OPCML: variants seen among roughly 807,000 people sequenced by gnomAD.
OPCML encodes the protein opioid-binding protein/cell adhesion molecule.
A neutral mutation model predicts 37.8 loss-of-function variants in OPCML; 13 were observed. The observed-to-expected ratio is 0.34, with a 90% CI of 0.22 to 0.55. The LOEUF is 0.55. Among genes scored for constraint, OPCML ranks in the 20% least tolerant of loss-of-function variants. OPCML has a pLI of 0.91. For missense variants in OPCML, 341 were observed against 435.6 expected (o/e 0.78, Z 1.93); for synonymous variants, 176 against 168.8 (o/e 1.04, Z -0.33).
chr11:132,445,211 G>A (rs1377440789), intron 4 of OPCML, among the ~76,000 whole-genome samples: 2 of 152,222 alleles, frequency 1.3e-5, no homozygotes, highest in Non-Finnish European at 2.9e-5. Context: ...GGGGGAAGGA[G>A]TACATTAATA....
At chr11:132,446,872 G>A (rs1217501144) in intron 4 of OPCML, among the ~76,000 whole-genome samples, 25 of 152,112 alleles carry the variant, frequency 1.6e-4, no homozygotes. Flanking sequence ...CTTGTCTGCA[G>A]CAACCTACTC....
At chr11:133,058,131 G>C (rs1234626815) in intron 1 of OPCML, among the ~76,000 whole-genome samples, 2 of 152,136 alleles carry the variant, frequency 1.3e-5, no homozygotes, top group African/African-American at 4.8e-5. Context: ...GGTAAAGCCA[G>C]GCAAATAATT....
intron 3 of OPCML, among the ~76,000 whole-genome samples, chr11:132,655,603 G>A (rs1941666503): frequency 6.6e-6 from 1 of 152,224 alleles, no homozygotes; most frequent in South Asian, 2.1e-4. Flanking sequence ...GCGAGGAGGG[G>A]AGCAGGGCTT....
At position 132,961,436 on chromosome 11, in the gene OPCML, G is replaced by T. The variant is rs375940551; in HGVS notation, c.62-18426C>A. Among the ~76,000 whole-genome samples, 235 of 152,288 alleles carry T rather than the reference G, an allele frequency of 1.5e-3. 1 individual carries two copies. Among genetic ancestry groups the T allele is most frequent in the Middle Eastern group, 6.8e-3 (2 of 294 alleles). The stretch of plus-strand genomic sequence containing the variant: ...GTTCTGGTTCCATATTTGATAGATA[G>T]CTTCAATGATGGGGAGGATGATGGA... On this transcript the variant is annotated intron_variant, in intron 1 of 7. Transcript: ENST00000524381.
intron 2 of OPCML, among the ~76,000 whole-genome samples, chr11:132,885,241 G>C (rs946805918): frequency 1.3e-5 from 2 of 152,178 alleles, no homozygotes; most frequent in Non-Finnish European, 2.9e-5. Context: ...CCGGGGAACT[G>C]ATAAGCTCTG....
chr11:133,462,907 A>C (rs917763278), intron 1 of OPCML, among the ~76,000 whole-genome samples: 3 of 152,214 alleles, frequency 2.0e-5, no homozygotes, highest in Non-Finnish European at 4.4e-5. Flanking sequence ...CCTTCATTAC[A>C]ATAGCCAAAA....
At chr11:133,350,401 T>A (rs1488916175) in intron 1 of OPCML, among the ~76,000 whole-genome samples, 1 of 152,170 alleles carries the variant, frequency 6.6e-6, no homozygotes, top group Non-Finnish European at 1.5e-5. Context: ...TGGAGAATCA[T>A]CCAGACTTTC....
intron 1 of OPCML, among the ~76,000 whole-genome samples, chr11:133,011,407 G>A (rs1263191744): frequency 1.2e-4 from 19 of 152,130 alleles, no homozygotes; most frequent in Middle Eastern, 3.2e-3. Flanking sequence ...TAATACCCAC[G>A]GGGAACCCTC....
intron 1 of OPCML, among the ~76,000 whole-genome samples, chr11:133,262,879 C>T (rs1941537280): frequency 6.6e-6 from 1 of 152,028 alleles, no homozygotes; most frequent in African/African-American, 2.4e-5. Context: ...AGGACACTCA[C>T]TCTACTACCA....
chr11:133,387,619 A>G (rs1324346997), intron 1 of OPCML, among the ~76,000 whole-genome samples: 1 of 152,192 alleles, frequency 6.6e-6, no homozygotes, highest in East Asian at 1.9e-4. Flanking sequence ...TCCTTCACTC[A>G]GTGTTTGTAT....
At chr11:133,083,355 C>G (rs1948770169) in intron 1 of OPCML, among the ~76,000 whole-genome samples, 2 of 152,144 alleles carry the variant, frequency 1.3e-5, no homozygotes, top group South Asian at 4.1e-4. Context: ...GTGTGTGCTC[C>G]CACTGCCCCA....
At chr11:133,501,172 G>A (rs1392903297) in intron 1 of OPCML, among the ~76,000 whole-genome samples, 1 of 152,104 alleles carries the variant, frequency 6.6e-6, no homozygotes, top group African/African-American at 2.4e-5. Context: ...AACAGAACAT[G>A]GAGACACACA....
chr11:132,836,527 T>A (rs1208902533), intron 2 of OPCML, among the ~76,000 whole-genome samples: 1 of 152,252 alleles, frequency 6.6e-6, no homozygotes, highest in Non-Finnish European at 1.5e-5. Flanking sequence ...ACCGCTGGTG[T>A]TACTTCATCT....
At chr11:133,423,169 T>A (rs1945927785) in intron 1 of OPCML, 1 of 985,220 alleles carries the variant, frequency 1.0e-6, no homozygotes, top group African/African-American at 1.7e-5. Context: ...TCTTTACATC[T>A]TGAAGAATTT....
At chr11:133,070,530 G>A (rs1382645083) in intron 1 of OPCML, among the ~76,000 whole-genome samples, 2 of 152,198 alleles carry the variant, frequency 1.3e-5, no homozygotes, top group South Asian at 2.1e-4. Flanking sequence ...TATGGACGAA[G>A]GGGACTGGCT....
intron 1 of OPCML, among the ~76,000 whole-genome samples, chr11:133,043,635 T>C (rs1474841298): frequency 6.6e-6 from 1 of 152,208 alleles, no homozygotes; most frequent in Admixed American, 6.5e-5. Context: ...AATCAGCCCT[T>C]TCCCATGCAG....
intron 1 of OPCML, among the ~76,000 whole-genome samples, chr11:133,189,812 T>C (rs1938230645): frequency 6.6e-6 from 1 of 152,180 alleles, no homozygotes. Context: ...GTCTGAGTAA[T>C]TGAAACAAAA....
intron 2 of OPCML, among the ~76,000 whole-genome samples, chr11:132,791,741 C>G (rs1476078002): frequency 6.6e-6 from 1 of 152,200 alleles, no homozygotes; most frequent in Admixed American, 6.5e-5. Flanking sequence ...AGGAGACTCT[C>G]TTTCTGATTT....
At chr11:132,540,972 G>T (rs967874274) in intron 3 of OPCML, among the ~76,000 whole-genome samples, 67 of 152,140 alleles carry the variant, frequency 4.4e-4, no homozygotes, top group Admixed American at 2.6e-4. Flanking sequence ...CGACTTGTAG[G>T]CTCCCTGGAG....
Sources: gnomAD v4.1 joint callset for allele counts (sites outside exome capture counted in the v4.1 genomes callset) on GRCh38, gnomAD v4.1.1 for gene constraint, MANE v1.5 for transcripts, NCBI Gene and HGNC (gene_info 2026-07-23, HGNC 2026-07-21) for gene names.